The following DTNB variants were observed in gnomAD, a reference collection of about 807,000 sequenced individuals.
DTNB encodes DTN-B.
Under a neutral mutation model 90.7 loss-of-function variants are expected in DTNB, and 63 were observed. That is an observed-to-expected ratio of 0.69 (90% CI 0.57 to 0.86). The LOEUF (loss-of-function observed/expected upper bound fraction) is 0.86. Ranked by LOEUF, DTNB falls within the 40% of genes least tolerant of loss-of-function variation. The pLI, the probability that DTNB is intolerant of heterozygous loss-of-function variation, is 0.00. For synonymous variants in DTNB, 277 were observed against 286.7 expected (o/e 0.97, Z 0.34); for missense variants, 744 against 807.1 (o/e 0.92, Z 0.95).
intron 8 of DTNB, among the ~76,000 whole-genome samples, chr2:25,564,103 G>C (rs1002427251): frequency 6.6e-6 from 1 of 151,904 alleles, no homozygotes; most frequent in South Asian, 2.1e-4. Context: ...GGGTTTCACC[G>C]TGTTAGCCAG....
At chr2:25,563,722 A>T (rs1176465402) in intron 8 of DTNB, among the ~76,000 whole-genome samples, 1 of 152,130 alleles carries the variant, frequency 6.6e-6, no homozygotes, top group Non-Finnish European at 1.5e-5. Flanking sequence ...TCTTTCCTCC[A>T]TTGGATGGTC....
intron 8 of DTNB, among the ~76,000 whole-genome samples, chr2:25,569,795 G>A (rs112563931): frequency 7.6e-4 from 115 of 152,196 alleles, no homozygotes; most frequent in African/African-American, 2.6e-3. Context: ...AATTCCAATA[G>A]GAACTACTAT....
chr2:25,552,338 T>G (rs1257946151), intron 8 of DTNB, among the ~76,000 whole-genome samples: 1 of 152,204 alleles, frequency 6.6e-6, no homozygotes, highest in Admixed American at 6.5e-5. Context: ...ATAGCTAGTC[T>G]TCTTAGCAAG....
At chr2:25,671,051 T>C (rs184193422) in intron 1 of DTNB, among the ~76,000 whole-genome samples, 52 of 152,310 alleles carry the variant, frequency 3.4e-4, no homozygotes, top group Non-Finnish European at 8.8e-5. Context: ...TTTTACTTAA[T>C]AATAAAGTGC....
At chr2:25,663,312 T>C (rs1343080379) in intron 1 of DTNB, among the ~76,000 whole-genome samples, 1 of 152,226 alleles carries the variant, frequency 6.6e-6, no homozygotes, top group Non-Finnish European at 1.5e-5. Context: ...CGTTCTATTA[T>C]TAATGGGCAT....
At chr2:25,547,271 CTTTT>C in intron 8 of DTNB, among the ~76,000 whole-genome samples, 1 of 123,884 alleles carries the variant, frequency 8.1e-6, no homozygotes, top group Non-Finnish European at 1.7e-5. Flanking sequence ...CTGTATACTT[CTTTT>C]TTTTTTTAAT....
At chr2:25,392,640 C>T (rs1056126441) in intron 16 of DTNB, among the ~76,000 whole-genome samples, 2 of 151,890 alleles carry the variant, frequency 1.3e-5, no homozygotes, top group African/African-American at 4.8e-5. Context: ...ACTAGAAAAC[C>T]TAGAGGAAAT....
chr2:25,422,800 T>C (rs1300035496), intron 15 of DTNB, among the ~76,000 whole-genome samples: 1 of 152,186 alleles, frequency 6.6e-6, no homozygotes, highest in Non-Finnish European at 1.5e-5. Context: ...AATAGGAAGT[T>C]TTTTTGAGGT....
intron 16 of DTNB, among the ~76,000 whole-genome samples, chr2:25,388,934 C>T (rs1647308067): frequency 6.6e-6 from 1 of 152,012 alleles, no homozygotes; most frequent in Non-Finnish European, 1.5e-5. Context: ...GTAACCTCCG[C>T]CTCCCAGGTT....
chr2:25,534,961 CCAGA>C (rs1266707963), intron 8 of DTNB, among the ~76,000 whole-genome samples: 8 of 139,100 alleles, frequency 5.8e-5, no homozygotes, highest in African/African-American at 1.6e-4. Flanking sequence ...TCCTTACCGC[CCAGA>C]CAATGAGGTG....
At chr2:25,552,050 A>C (rs888829950) in intron 8 of DTNB, among the ~76,000 whole-genome samples, 4 of 152,208 alleles carry the variant, frequency 2.6e-5, no homozygotes, top group Non-Finnish European at 5.9e-5. Context: ...AACTGCTCAT[A>C]TCTCTCTGAG....
intron 1 of DTNB, among the ~76,000 whole-genome samples, chr2:25,659,907 C>T (rs2082810981): frequency 6.6e-6 from 1 of 152,088 alleles, no homozygotes; most frequent in Middle Eastern, 3.4e-3. Context: ...AAAAGGAAAA[C>T]TACCAACCAA....
chr2:25,427,165 G>A lies in DTNB; in HGVS notation c.1554+370C>T, dbSNP rs561812478. ...TGCACTCCAGCCTGGGTGACACAGC[G>A]AGACTCCATCTCAAAACACACACAC... is the stretch of plus-strand genomic sequence containing the variant. On this transcript the variant is annotated intron_variant, in intron 15 of 20. Coordinates refer to ENST00000406818, the MANE Select transcript of DTNB (RefSeq NM_021907.5). 5.9e-3 allele frequency among the ~76,000 whole-genome samples: 848 copies of A among 142,596 alleles called. 11 individuals are homozygous for A. Among genetic ancestry groups the A allele is most frequent in the African/African-American group, 0.022 (813 of 37,268 alleles). 93.5% of individuals were successfully genotyped at this position (142,596 alleles called of 152,430 possible).
intron 5 of DTNB, among the ~76,000 whole-genome samples, chr2:25,600,282 C>T (rs1410035412): frequency 6.6e-6 from 1 of 152,248 alleles, no homozygotes; most frequent in Non-Finnish European, 1.5e-5. Context: ...TAACGAATGA[C>T]TTCTCAGCCT....
chr2:25,576,221 GTTTTTTTTTTTT>G (rs57969480), intron 8 of DTNB, among the ~76,000 whole-genome samples: 1 of 97,548 alleles, frequency 1.0e-5, no homozygotes, highest in Non-Finnish European at 2.2e-5. Context: ...GAACAGTTTT[GTTTTTTTTTTTT>G]TTTTTTTTTT....
intron 15 of DTNB, among the ~76,000 whole-genome samples, chr2:25,422,560 C>T (rs1250918880): frequency 6.6e-6 from 1 of 151,932 alleles, no homozygotes; most frequent in Non-Finnish European, 1.5e-5. Context: ...CATGCACCAC[C>T]ACATCTGGCT....
intron 8 of DTNB, among the ~76,000 whole-genome samples, chr2:25,550,614 A>G (rs2083446909): frequency 6.6e-6 from 1 of 152,142 alleles, no homozygotes; most frequent in South Asian, 2.1e-4. Flanking sequence ...AAATTCTAGA[A>G]TATTTTCAGA....
At chr2:25,608,444 T>C (rs1212261442) in intron 4 of DTNB, among the ~76,000 whole-genome samples, 3 of 152,208 alleles carry the variant, frequency 2.0e-5, no homozygotes, top group African/African-American at 7.2e-5. Context: ...AGTTTATTCA[T>C]AAAACAAAAT....
chr2:25,559,610 C>A (rs1159083331), intron 8 of DTNB, among the ~76,000 whole-genome samples: 1 of 152,176 alleles, frequency 6.6e-6, no homozygotes, highest in Non-Finnish European at 1.5e-5. Flanking sequence ...ATGCACTGAT[C>A]GTAGTGGGAT....
Sources: gnomAD v4.1 joint callset for allele counts (sites outside exome capture counted in the v4.1 genomes callset) on GRCh38, gnomAD v4.1.1 for gene constraint, MANE v1.5 for transcripts, NCBI Gene and HGNC (gene_info 2026-07-23, HGNC 2026-07-21) for gene names.